Variants in CSMD1 observed in about 807,000 individuals in gnomAD.
CSMD1 encodes CUB and sushi domain-containing protein 1.
Under a neutral mutation model 417.5 loss-of-function variants are expected in CSMD1, and 213 were observed. The ratio of observed to expected loss-of-function variants is 0.51; its 90% confidence interval spans 0.46 to 0.57. The LOEUF (loss-of-function observed/expected upper bound fraction) is 0.57, where lower values mean the gene tolerates loss of function less well. CSMD1 is among the 20% of genes least tolerant of loss of function. CSMD1 has a pLI of 0.00. For synonymous variants in CSMD1, 2,862 were observed against 1,736.8 expected (o/e 1.65, Z -16.11); for missense variants, 6,923 against 4,529.7 (o/e 1.53, Z -15.17).
chr8:4,082,442 G>A (rs1227611936), intron 3 of CSMD1, among the ~76,000 whole-genome samples: 1 of 152,070 alleles, frequency 6.6e-6, no homozygotes, highest in African/African-American at 2.4e-5. Context: ...GAAAATAGAG[G>A]AAGGGCAAAG....
At position 3,508,626 on chromosome 8, in the gene CSMD1, C is replaced by T. The variant is rs28633705; in HGVS notation, c.1345-14900G>A. ...GATGTGTGAGAAAATTTTAAAATCA[C>T]TGATTTATTCAATCACTCCTTCAGT... On this transcript the variant is annotated intron_variant, in intron 10 of 69. Transcript: ENST00000635120. Among the ~76,000 whole-genome samples the T allele has an allele frequency of 4.6e-5, 7 of 152,248 alleles. No homozygotes were observed. In the South Asian group the frequency reaches 1.2e-3, roughly 27 times the overall value.
chr8:3,634,828 G>C (rs761343649), intron 7 of CSMD1, among the ~76,000 whole-genome samples: 5 of 152,030 alleles, frequency 3.3e-5, no homozygotes, highest in Non-Finnish European at 7.3e-5. Flanking sequence ...GGCGATTCTT[G>C]ACGTTTTGCA....
intron 50 of CSMD1, among the ~76,000 whole-genome samples, chr8:3,031,610 C>G (rs620810): frequency 1 from 152,063 of 152,064 alleles, 76,031 homozygotes; most frequent in Non-Finnish European, 1. Flanking sequence ...ATATGGCCCA[C>G]GCTGGTCCTG....
chr8:4,167,358 G>A (rs926429449), intron 3 of CSMD1, among the ~76,000 whole-genome samples: 1 of 152,122 alleles, frequency 6.6e-6, no homozygotes, highest in African/African-American at 2.4e-5. Context: ...GGTGCCTGGT[G>A]ACACTTCAAT....
intron 10 of CSMD1, among the ~76,000 whole-genome samples, chr8:3,559,008 G>A (rs1799349849): frequency 6.6e-6 from 1 of 152,306 alleles, no homozygotes; most frequent in East Asian, 1.9e-4. Context: ...CTGCCGTGGT[G>A]GTCTGGTGAC....
Position 4,687,346 on chromosome 8 carries a change from C to T in CSMD1, c.86-49788G>A, listed in dbSNP as rs190746764. On this transcript the variant is annotated intron_variant, in intron 1 of 69. Coordinates refer to ENST00000635120, the MANE Select transcript of CSMD1 (RefSeq NM_033225.6). ...ATAGATGGAGAAGAGCCAGATCGAA[C>T]AGGACTAAAGTACATTAAGTAACGT... Among the ~76,000 whole-genome samples the T allele has an allele frequency of 1.8e-3, 281 of 152,244 alleles. 2 individuals are homozygous for T. Among genetic ancestry groups the T allele is most frequent in the East Asian group, 1.7e-3 (9 of 5,170 alleles).
chr8:4,937,633 G>A (rs1444611590), intron 1 of CSMD1, among the ~76,000 whole-genome samples: 2 of 152,144 alleles, frequency 1.3e-5, no homozygotes, highest in Admixed American at 6.6e-5. Flanking sequence ...TCTGACGGAG[G>A]CATCAAATAA....
At chr8:3,327,962 A>C (rs2551044) in intron 23 of CSMD1, among the ~76,000 whole-genome samples, 54,920 of 151,926 alleles carry the variant, frequency 0.36, 10,464 homozygotes, top group African/African-American at 0.46. Context: ...GCCCTAGCCC[A>C]GAATGCATCT....
At chr8:3,164,147 G>A (rs569707484) in intron 37 of CSMD1, among the ~76,000 whole-genome samples, 11 of 152,134 alleles carry the variant, frequency 7.2e-5, no homozygotes, top group East Asian at 1.9e-4. Context: ...TTACAGTACC[G>A]TGATTGTTCA....
intron 2 of CSMD1, among the ~76,000 whole-genome samples, chr8:4,450,302 G>A (rs1044682037): frequency 6.6e-6 from 1 of 152,172 alleles, no homozygotes; most frequent in African/African-American, 2.4e-5. Context: ...ACTGTTTGCT[G>A]CAACTCAGAG....
At chr8:4,173,152 T>C (rs1312252374) in intron 3 of CSMD1, among the ~76,000 whole-genome samples, 2 of 152,184 alleles carry the variant, frequency 1.3e-5, no homozygotes, top group African/African-American at 4.8e-5. Flanking sequence ...GGTTGCTAGA[T>C]TGATTATAAT....
chr8:4,232,391 G>A (rs565522882), intron 3 of CSMD1, among the ~76,000 whole-genome samples: 3 of 152,096 alleles, frequency 2.0e-5, no homozygotes, highest in Admixed American at 1.3e-4. Context: ...TAGAGACGGG[G>A]TTTCCCCACG....
At chr8:4,236,118 A>C (rs1025273784) in intron 3 of CSMD1, among the ~76,000 whole-genome samples, 4 of 148,018 alleles carry the variant, frequency 2.7e-5, no homozygotes, top group Non-Finnish European at 4.4e-5. Context: ...CAGGGCTTCA[A>C]ACGGTGGGAT....
intron 1 of CSMD1, among the ~76,000 whole-genome samples, chr8:4,898,101 C>T (rs920080186): frequency 2.0e-5 from 3 of 151,998 alleles, no homozygotes; most frequent in Non-Finnish European, 4.4e-5. Context: ...TTAAATGAAG[C>T]AAACGAATAA....
chr8:4,366,459 G>C (rs1802078271), intron 3 of CSMD1, among the ~76,000 whole-genome samples: 1 of 152,092 alleles, frequency 6.6e-6, no homozygotes, highest in South Asian at 2.1e-4. Context: ...TGGGACTGCT[G>C]GTTTAAATAG....
chr8:4,044,801 C>A (rs966185634), intron 3 of CSMD1, among the ~76,000 whole-genome samples: 5 of 152,244 alleles, frequency 3.3e-5, no homozygotes, highest in Non-Finnish European at 7.3e-5. Context: ...GGTGTACCAC[C>A]CTGGATGTGA....
At chr8:3,747,208 T>G (rs1584938513) in intron 6 of CSMD1, among the ~76,000 whole-genome samples, 1 of 152,174 alleles carries the variant, frequency 6.6e-6, no homozygotes, top group African/African-American at 2.4e-5. Context: ...GCCACAGCCC[T>G]TAATCTCTCC....
chr8:4,500,864 G>T (rs557291003), intron 2 of CSMD1, among the ~76,000 whole-genome samples: 1 of 152,066 alleles, frequency 6.6e-6, no homozygotes, highest in Non-Finnish European at 1.5e-5. Context: ...TCTGTCTCTG[G>T]CGTAACCTTA....
At chr8:4,234,387 C>A (rs1801924469) in intron 3 of CSMD1, among the ~76,000 whole-genome samples, 1 of 152,044 alleles carries the variant, frequency 6.6e-6, no homozygotes, top group African/African-American at 2.4e-5. Context: ...GTGGCAGCCA[C>A]CGGCATTCCT....
Sources: allele counts gnomAD v4.1 joint callset (sites outside exome capture counted in the v4.1 genomes callset), GRCh38; gene constraint gnomAD v4.1.1; transcripts MANE v1.5; gene names NCBI Gene and HGNC (gene_info 2026-07-23, HGNC 2026-07-21).